Variants in FIBCD1 observed in about 807,000 individuals in gnomAD.
The protein encoded by FIBCD1 is fibrinogen C domain containing 1, also known as fibrinogen C domain-containing protein 1.
In FIBCD1, 47 loss-of-function variants were observed where a neutral mutation model predicts 45.1. The observed-to-expected ratio is 1.04, with a 90% confidence interval of 0.82 to 1.33. The LOEUF is 1.33. Ranked by LOEUF, FIBCD1 falls within the 40% of genes most tolerant of loss-of-function variation. The probability of loss-of-function intolerance (pLI) is 0.00; values close to 1 mark genes in which losing one functional copy is unlikely to be tolerated. For missense variants in FIBCD1, 653 were observed against 682.2 expected (o/e 0.96, Z 0.48); for synonymous variants, 313 against 308.1 (o/e 1.02, Z -0.17).
At chr9:130,911,058 G>A (rs369874231) in intron 5 of FIBCD1, among the ~76,000 whole-genome samples, 1 of 152,184 alleles carries the variant, frequency 6.6e-6, no homozygotes, top group South Asian at 2.1e-4. Context: ...AAAGCAGGCT[G>A]CCCCAGCCAG....
In FIBCD1 at chr9:130,926,126, C is replaced by G. The variant is rs150514605; in HGVS notation, c.553-1730G>C. Among the ~76,000 whole-genome samples the G allele has an allele frequency of 4.6e-5, 7 of 152,280 alleles. No individual in the cohort carries two copies. In the South Asian group the frequency reaches 1.5e-3, roughly 32 times the overall value. On this transcript the variant is annotated intron_variant, in intron 2 of 6. Transcript: ENST00000372338. This position sits in a 1 kb window ranked among gnomAD's most constrained non-coding sequence, Gnocchi z 4.1. ...AGGGACACAGGCAGCACACCCCAAC[C>G]GGGGCAGGAGGGAAGACGGTAGGTG...
rs945637015 is a variant in FIBCD1 at position 130,904,010 on chromosome 9, G to C, written c.*54C>G. On this transcript the variant is annotated 3_prime_UTR_variant, in exon 7 of 7. Coordinates refer to ENST00000372338, the MANE Select transcript of FIBCD1 (RefSeq NM_032843.5). ...AGAACATTCACGAAAGAGTGAGGTG[G>C]GGTCGGGGATGGGGCGACAGGGACC... 6.3e-7 allele frequency: 1 copy of C among 1,588,168 alleles called. No individual in the cohort carries two copies. The highest frequency in any genetic ancestry group is 8.6e-7 in the Non-Finnish European group (1 of 1,167,598).
chr9:130,923,231 G>A (rs913303199), intron 4 of FIBCD1, among the ~76,000 whole-genome samples: 2 of 152,192 alleles, frequency 1.3e-5, no homozygotes, highest in Admixed American at 6.5e-5. Context: ...TCTCGCTCCT[G>A]TTTCCCACCC....
chr9:130,928,888 T>C (rs1006011864), intron 2 of FIBCD1, among the ~76,000 whole-genome samples: 1 of 151,246 alleles, frequency 6.6e-6, no homozygotes, highest in African/African-American at 2.5e-5. Context: ...CGATCCCAAA[T>C]CCCTCATCCT....
At chr9:130,914,815 G>A (rs558821833) in intron 4 of FIBCD1, among the ~76,000 whole-genome samples, 2 of 152,352 alleles carry the variant, frequency 1.3e-5, no homozygotes, top group East Asian at 3.9e-4. Context: ...GATGTGGCAG[G>A]AGGGGCTGTT....
chr9:130,921,240 G>A (rs970758923), intron 4 of FIBCD1, among the ~76,000 whole-genome samples: 2 of 152,264 alleles, frequency 1.3e-5, no homozygotes, highest in Non-Finnish European at 2.9e-5. Flanking sequence ...GGTGGCATTG[G>A]CGCTGAAGGC....
At chr9:130,911,157 A>G (rs906037728) in intron 5 of FIBCD1, among the ~76,000 whole-genome samples, 2 of 151,872 alleles carry the variant, frequency 1.3e-5, no homozygotes, top group African/African-American at 2.4e-5. Flanking sequence ...GAGCTGCAAC[A>G]CTCACCGTGA....
chr9:130,930,923 G>A (rs996751360), intron 1 of FIBCD1: 6 of 432,404 alleles, frequency 1.4e-5, no homozygotes, highest in African/African-American at 8.1e-5. Flanking sequence ...CTGGGGTAGC[G>A]GGCACCCATC....
intron 4 of FIBCD1, among the ~76,000 whole-genome samples, chr9:130,914,804 G>A (rs538598872): frequency 5.3e-5 from 8 of 152,354 alleles, no homozygotes; most frequent in Non-Finnish European, 1.2e-4. Context: ...TGACTCTTCA[G>A]GATGTGGCAG....
At chr9:130,912,026 C>G (rs759172126) in intron 4 of FIBCD1, 138 bp from the exon 5 acceptor site, 16 of 708,902 alleles carry the variant, frequency 2.3e-5, no homozygotes, top group Non-Finnish European at 3.5e-5. Flanking sequence ...CCTGGTTGCC[C>G]ACTTCCCGCA....
intron 1 of FIBCD1, chr9:130,930,849 A>C: frequency 2.2e-6 from 1 of 455,496 alleles, no homozygotes; most frequent in East Asian, 7.0e-5. Context: ...CTGGTCAGAG[A>C]GAGCTGTGAT....
At chr9:130,919,404 A>G (rs1480131298) in intron 4 of FIBCD1, among the ~76,000 whole-genome samples, 1 of 152,156 alleles carries the variant, frequency 6.6e-6, no homozygotes, top group African/African-American at 2.4e-5. Flanking sequence ...TGGGACAAGG[A>G]GGGCCGGCCG....
At chr9:130,912,392 CAAAAAAAA>C (rs61490832) in intron 4 of FIBCD1, among the ~76,000 whole-genome samples, 236 of 75,718 alleles carry the variant, frequency 3.1e-3, no homozygotes, top group South Asian at 0.013. Context: ...GGCTCTCTCT[CAAAAAAAA>C]AAAAAAAAAA....
Position 130,929,766 on chromosome 9 carries a change from G to A in FIBCD1, c.353C>T (p.Ala118Val), listed in dbSNP as rs1281651678. 7 of 1,560,272 alleles carry A rather than the reference G, an allele frequency of 4.5e-6. No individual in the cohort carries two copies. Among genetic ancestry groups the A allele is most frequent in the Admixed American group, 1.9e-5 (1 of 52,660 alleles). Reference sequence around the variant, plus strand: ...TGGCTGGGCCTGGTGCTCTGTCAGCGCCTGCAGCACCGAGGCCTGGGCGCT... The same window carrying A: ...TGGCTGGGCCTGGTGCTCTGTCAGCACCTGCAGCACCGAGGCCTGGGCGCT... ...LESAQASVLQALTEHQAQPRL... is the reference protein window; with the variant it reads ...LESAQASVLQVLTEHQAQPRL... The change falls in exon 2 of 7, where the codon GCG becomes GTG. Residue 118 changes from alanine (A) to valine (V), a missense_variant. Physicochemically the swap from Ala to Val is moderately conservative, Grantham distance 64 (BLOSUM62 0). Transcript: ENST00000372338.
Position 130,905,369 on chromosome 9 carries a change from G to A in FIBCD1, c.991C>T (p.Leu331=). 3 of 1,614,022 alleles carry A rather than the reference G, an allele frequency of 1.9e-6. No homozygotes were observed. Among genetic ancestry groups the A allele is most frequent in the Non-Finnish European group, 2.5e-6 (3 of 1,179,966 alleles). ...HALTTQAAYE[L]HVDLEDFENG... is the part of the protein sequence containing the mutation. ...TCAAAGTCCTCCAGGTCCACGTGCA[G>A]CTCGTAGGCAGCCTGTGTGGTCAGG... is the stretch of plus-strand genomic sequence containing the variant. The change falls in exon 6 of 7, where the codon CTG becomes TTG. Residue 331 remains leucine, a synonymous_variant. Coordinates refer to ENST00000372338, the MANE Select transcript of FIBCD1 (RefSeq NM_032843.5).
At position 130,909,277 on chromosome 9, in the gene FIBCD1, C is replaced by G. The variant is rs557879694; in HGVS notation, c.946+2515G>C. ...AAGGCGCCCCCTCCGCCGCCCCTCG[C>G]CCCCAACCCCCACAGCTTGTGGAAC... On this transcript the variant is annotated intron_variant, in intron 5 of 6. Transcript: ENST00000372338. Among the ~76,000 whole-genome samples, 477 of 152,016 alleles carry G rather than the reference C, an allele frequency of 3.1e-3. 1 individual carries two copies. The highest frequency in any genetic ancestry group is 4.8e-3 in the Non-Finnish European group (324 of 67,934).
Position 130,929,847 on chromosome 9 carries a change from C to T in FIBCD1, c.272G>A (p.Ser91Asn). 6.5e-7 allele frequency: 1 copy of T among 1,549,826 alleles called. No homozygotes were observed. Among genetic ancestry groups the T allele is most frequent in the Non-Finnish European group, 8.7e-7 (1 of 1,146,710 alleles). ...GGGGCAGCGCGGGTCAATGAGGATG[C>T]TGAGGTGCGAGCTGTCCGCCCTTTC... is the stretch of plus-strand genomic sequence containing the variant. ...TVERADSSHL[S>N]ILIDPRCPDL... is the part of the protein sequence containing the mutation. Residue 91 changes from serine to asparagine, a missense_variant, in exon 2 of 7, where the codon AGC becomes AAC. Coordinates refer to ENST00000372338, the MANE Select transcript of FIBCD1 (RefSeq NM_032843.5).
At chr9:130,909,209 C>T (rs1454215689) in intron 5 of FIBCD1, among the ~76,000 whole-genome samples, 3 of 152,084 alleles carry the variant, frequency 2.0e-5, no homozygotes, top group African/African-American at 4.8e-5. Flanking sequence ...GGGGAACTCC[C>T]GGGATGTCCT....
At chr9:130,905,574 G>A (rs1407103188) in intron 5 of FIBCD1, among the ~76,000 whole-genome samples, 161 bp from the exon 6 acceptor site, 2 of 152,214 alleles carry the variant, frequency 1.3e-5, no homozygotes, top group African/African-American at 2.4e-5. Flanking sequence ...CTTCCTGCAG[G>A]CCTGTGTTGG....
Sources: gnomAD v4.1 joint callset for allele counts (sites outside exome capture counted in the v4.1 genomes callset) on GRCh38, gnomAD v4.1.1 for gene constraint, Gnocchi (gnomAD v3.1) non-coding constraint, MANE v1.5 for transcripts, NCBI Gene and HGNC (gene_info 2026-07-23, HGNC 2026-07-21) for gene names.